Variants in POLR3A observed in about 807,000 individuals in gnomAD.
POLR3A encodes the protein DNA-directed RNA polymerase III subunit RPC1.
Under a neutral mutation model 152.8 loss-of-function variants are expected in POLR3A, and 112 were observed. That is an observed-to-expected ratio of 0.73 (90% CI 0.63 to 0.86). The LOEUF (loss-of-function observed/expected upper bound fraction) is 0.86, where lower values mean the gene tolerates loss of function less well. Among genes scored for constraint, POLR3A ranks in the 40% least tolerant of loss-of-function variants. The pLI, the probability that POLR3A is intolerant of heterozygous loss-of-function variation, is 0.00. For missense variants in POLR3A, 1,385 were observed against 1,743.1 expected, an observed-to-expected ratio of 0.79 and a Z score of 3.66; for synonymous variants, 615 against 652.1, an observed-to-expected ratio of 0.94 and a Z score of 0.87.
At chr10:78,009,386 G>A in intron 14 of POLR3A, 151 bp downstream of exon 14, 1 of 989,502 alleles carries the variant, frequency 1.0e-6, no homozygotes, top group Non-Finnish European at 1.6e-6. Flanking sequence ...AGAAAAACCA[G>A]CTACATTTTC....
rs1306872521 is a variant in POLR3A, at chr10:77,975,773, G to A, written c.*1705C>T. 1 of 152,234 alleles carries A rather than the reference G, an allele frequency of 6.6e-6. No individual in the cohort carries two copies. The highest frequency in any genetic ancestry group is 1.5e-5 in the Non-Finnish European group (1 of 68,086). 9.4% of individuals were successfully genotyped at this position (152,234 alleles called of 1,614,324 possible). A position where few individuals can be genotyped will look rare whatever the true frequency, so the allele number is the denominator to read the frequency against. ...CCCTGGCCTTTGCACGGATCCCAGT[G>A]GTCCTGGCTCGGATCAGGCCTACAG... On this transcript the variant is annotated 3_prime_UTR_variant, in exon 31 of 31. Transcript: ENST00000372371.
rs188887377 is a variant in POLR3A at position 77,998,056 on chromosome 10, G to A, written c.2616+1925C>T. On this transcript the variant is annotated intron_variant, in intron 19 of 30. Transcript: ENST00000372371. ...TGAGAAAAACAAGCAATGGGGAAAGGATTCCCTATTTAATAAATGGTGCTG... is the reference window on the plus strand; with the variant it reads ...TGAGAAAAACAAGCAATGGGGAAAGAATTCCCTATTTAATAAATGGTGCTG... Among the ~76,000 whole-genome samples the A allele has an allele frequency of 2.6e-5, 4 of 152,216 alleles. No individual in the cohort carries two copies. In the East Asian group the frequency reaches 7.7e-4, roughly 29 times the overall value.
At chr10:78,013,509 A>T in intron 11 of POLR3A, 141 bp downstream of exon 11, 1 of 793,200 alleles carries the variant, frequency 1.3e-6, no homozygotes, top group Non-Finnish European at 2.2e-6. Flanking sequence ...AGAGATATAT[A>T]GGCAGTTAGT....
At chr10:78,027,687 G>A (rs966553405) in intron 1 of POLR3A, among the ~76,000 whole-genome samples, 2 of 143,640 alleles carry the variant, frequency 1.4e-5, no homozygotes, top group African/African-American at 6.0e-5. Flanking sequence ...AGTAGCTGGG[G>A]TTACAGGCAT....
chr10:78,024,541 A>G lies in POLR3A; in HGVS notation c.645+8T>C. 6.2e-7 allele frequency: 1 copy of G among 1,612,828 alleles called. No homozygotes were observed. Among genetic ancestry groups the G allele is most frequent in the Non-Finnish European group, 8.5e-7 (1 of 1,179,860 alleles). On this transcript the variant is annotated splice_region_variant and intron_variant, in intron 5 of 30. Coordinates refer to ENST00000372371, the MANE Select transcript of POLR3A (RefSeq NM_007055.4). ...AGGCGGAAGGCAGGCGTGCATTCTCAGGCTCACCTGTGCCCTTCCCAGCAG... is the reference window on the plus strand; with the variant it reads ...AGGCGGAAGGCAGGCGTGCATTCTCGGGCTCACCTGTGCCCTTCCCAGCAG...
chr10:77,995,237 G>A (rs1044970924), intron 19 of POLR3A, among the ~76,000 whole-genome samples: 134 of 152,166 alleles, frequency 8.8e-4, no homozygotes, highest in Non-Finnish European at 1.6e-3. Context: ...TCAAGGCTAG[G>A]AAGAAACTGC....
rs1310457597 is a variant in POLR3A at position 78,000,986 on chromosome 10, T to A, written c.2468A>T (p.Lys823Ile). 1 of 1,575,948 alleles carries A rather than the reference T, an allele frequency of 6.3e-7. No individual in the cohort carries two copies. The change falls in exon 18 of 31, where the codon AAA becomes ATA. Residue 823 changes from lysine to isoleucine, a missense_variant. Coordinates refer to ENST00000372371, the MANE Select transcript of POLR3A (RefSeq NM_007055.4). ...FENRSLPHFE[K>I]HSKLPAAKGF... ...TCTGCTACTGCTTACCTTTGAGTGTTTTTCAAAATGAGGCAAGGACCTGTT... is the reference window on the plus strand; with the variant it reads ...TCTGCTACTGCTTACCTTTGAGTGTATTTCAAAATGAGGCAAGGACCTGTT...
rs140670300 is a variant in POLR3A at position 78,016,680 on chromosome 10, C to T, written c.1431+895G>A. On this transcript the variant is annotated intron_variant, in intron 10 of 30. Transcript: ENST00000372371. ...TGTGAGCCAAGACTGCGACACTGCA[C>T]ACCAGCCTGGGCAATAGAGTGAGAC... 3.2e-3 allele frequency among the ~76,000 whole-genome samples: 477 copies of T among 149,600 alleles called. 3 individuals are homozygous for T. Among genetic ancestry groups the T allele is most frequent in the African/African-American group, 0.011 (439 of 40,218 alleles).
At chr10:78,029,094 G>A (rs1471253539) in intron 1 of POLR3A, among the ~76,000 whole-genome samples, 2 of 152,158 alleles carry the variant, frequency 1.3e-5, no homozygotes, top group African/African-American at 4.8e-5. Context: ...GAGAATGCGA[G>A]CTTTGGCCCA....
rs141868519 is a variant in POLR3A, at chr10:78,002,308, C to T, written c.2248G>A (p.Ala750Thr). The change falls in exon 17 of 31, where the codon GCA becomes ACA. Residue 750 changes from alanine to threonine, a missense_variant and splice_region_variant. By Grantham distance (58) the Ala-to-Thr change is moderately conservative (BLOSUM62 0). Transcript: ENST00000372371. Reference sequence around the variant, plus strand: ...ACAGACAGCTCCTTCAGGATCAGTGCCTAGTGGGAGAAAAGGAGATCCTTG... The same window carrying T: ...ACAGACAGCTCCTTCAGGATCAGTGTCTAGTGGGAGAAAAGGAGATCCTTG... ...PGCTAEETLE[A>T]LILKELSVIR... is the part of the protein sequence containing the mutation. 3 of 1,579,488 alleles carry T rather than the reference C, an allele frequency of 1.9e-6. No individual in the cohort carries two copies. The African/African-American group carries it at 4.0e-5, about 21-fold the overall frequency.
chr10:78,010,989 C>T (rs1847461632), intron 11 of POLR3A, among the ~76,000 whole-genome samples: 1 of 152,146 alleles, frequency 6.6e-6, no homozygotes, highest in Non-Finnish European at 1.5e-5. Context: ...GGACTACAGG[C>T]CCACATCATC....
chr10:77,981,045 G>C (rs1419223984), intron 29 of POLR3A, among the ~76,000 whole-genome samples: 1 of 151,986 alleles, frequency 6.6e-6, no homozygotes, highest in Non-Finnish European at 1.5e-5. Context: ...ATTTTTTCCT[G>C]GGAATGGCTA....
intron 5 of POLR3A, among the ~76,000 whole-genome samples, chr10:78,023,892 C>T (rs1339778119): frequency 6.6e-6 from 1 of 151,640 alleles, no homozygotes; most frequent in Non-Finnish European, 1.5e-5. Context: ...AATCCCAGCA[C>T]TTTGGAAGGC....
chr10:78,014,599 A>G (rs1022458490), intron 10 of POLR3A, among the ~76,000 whole-genome samples: 4 of 152,144 alleles, frequency 2.6e-5, no homozygotes, highest in Non-Finnish European at 2.9e-5. Context: ...ATATTTTAGT[A>G]GAGATGAGGT....
chr10:78,000,047 G>A lies in POLR3A; in HGVS notation c.2550C>T (p.His850=), dbSNP rs2131942138. Residue 850 remains histidine (H), a synonymous_variant, in exon 19 of 31, where the codon CAC becomes CAT. Coordinates refer to ENST00000372371, the MANE Select transcript of POLR3A (RefSeq NM_007055.4). ...CTAGACCTTCCCGGCCGGCCATTGT[G>A]TGGAAGAAAAACTCAGTTGGTGTCA... is the stretch of plus-strand genomic sequence containing the variant. ...SGLTPTEFFF[H]TMAGREGLVD... 6.2e-7 allele frequency: 1 copy of A among 1,614,020 alleles called. No homozygotes were observed. The highest frequency in any genetic ancestry group is 8.5e-7 in the Non-Finnish European group (1 of 1,179,930).
chr10:78,024,491 C>A, intron 5 of POLR3A, 58 bp downstream of exon 5: 3 of 1,577,664 alleles, frequency 1.9e-6, no homozygotes, highest in Non-Finnish European at 8.7e-7. Context: ...GTGCATGTGA[C>A]GTGCGGAAGA....
intron 20 of POLR3A, among the ~76,000 whole-genome samples, chr10:77,992,863 TAA>T (rs1003093468): frequency 7.0e-6 from 1 of 143,058 alleles, no homozygotes; most frequent in African/African-American, 2.6e-5. Context: ...TATTGGAAAG[TAA>T]AAAAAAAAAG....
intron 10 of POLR3A, among the ~76,000 whole-genome samples, chr10:78,014,628 C>T (rs1377775748): frequency 1.3e-5 from 2 of 152,096 alleles, no homozygotes; most frequent in Non-Finnish European, 2.9e-5. Flanking sequence ...TGGTCTAGAA[C>T]TCCTGACCTC....
chr10:78,024,466 G>T (rs12267818), intron 5 of POLR3A, 83 bp downstream of exon 5: 1 of 1,454,958 alleles, frequency 6.9e-7, no homozygotes, highest in Non-Finnish European at 9.5e-7. Flanking sequence ...GTGGGGCGGA[G>T]TTGGGGGAGA....
Sources: allele counts gnomAD v4.1 joint callset (sites outside exome capture counted in the v4.1 genomes callset), GRCh38; gene constraint gnomAD v4.1.1; transcripts MANE v1.5; gene names NCBI Gene and HGNC (gene_info 2026-07-23, HGNC 2026-07-21).